The following FHIT variants were observed in gnomAD, a reference collection of about 807,000 sequenced individuals.
FHIT encodes the protein fragile histidine triad diadenosine triphosphatase.
Under a neutral mutation model 17.9 loss-of-function variants are expected in FHIT, and 19 were observed. The ratio of observed to expected loss-of-function variants is 1.06; its 90% CI spans 0.74 to 1.56. The LOEUF (loss-of-function observed/expected upper bound fraction) is 1.56. Among genes scored for constraint, FHIT ranks in the 40% most tolerant of loss-of-function variants. FHIT has a pLI of 0.00. For synonymous variants in FHIT, 81 were observed against 69.7 expected (o/e 1.16, Z -0.81); for missense variants, 248 against 189.2 (o/e 1.31, Z -1.82).
chr3:60,444,720 G>A (rs867687619), intron 5 of FHIT, among the ~76,000 whole-genome samples: 4 of 151,984 alleles, frequency 2.6e-5, no homozygotes, highest in African/African-American at 7.3e-5. Flanking sequence ...GGGAGAGATA[G>A]CATTAGGAGA....
At chr3:60,875,417 T>G (rs1221780503) in intron 3 of FHIT, among the ~76,000 whole-genome samples, 3 of 152,286 alleles carry the variant, frequency 2.0e-5, no homozygotes, top group East Asian at 1.9e-4. Context: ...GCCAAGTTAG[T>G]TCTGTCAAAC....
intron 5 of FHIT, among the ~76,000 whole-genome samples, chr3:60,459,532 C>T (rs746189307): frequency 1.3e-5 from 2 of 152,158 alleles, no homozygotes; most frequent in Non-Finnish European, 1.5e-5. Flanking sequence ...TACATAGGTA[C>T]AACGCGCTTA....
chr3:61,036,456 G>T (rs529396157), intron 3 of FHIT, among the ~76,000 whole-genome samples: 1 of 152,068 alleles, frequency 6.6e-6, no homozygotes, highest in African/African-American at 2.4e-5. Context: ...ACTATCCAAG[G>T]GCACTTCAAA....
chr3:60,716,809 C>T (rs890762162), intron 4 of FHIT, among the ~76,000 whole-genome samples: 7 of 152,140 alleles, frequency 4.6e-5, no homozygotes, highest in African/African-American at 9.7e-5. Context: ...TAATTCGTGA[C>T]GCTATGATAT....
intron 2 of FHIT, among the ~76,000 whole-genome samples, chr3:61,092,752 G>T (rs2035525018): frequency 6.6e-6 from 1 of 152,114 alleles, no homozygotes; most frequent in Non-Finnish European, 1.5e-5. Context: ...TCATAAATTA[G>T]GGTCAAAGGC....
At chr3:59,909,274 C>T (rs952780949) in intron 8 of FHIT, among the ~76,000 whole-genome samples, 6 of 151,562 alleles carry the variant, frequency 4.0e-5, no homozygotes, top group Non-Finnish European at 7.4e-5. Flanking sequence ...TCTCATGATC[C>T]GCCTGCCTTG....
chr3:60,714,558 C>G (rs2041629916), intron 4 of FHIT, among the ~76,000 whole-genome samples: 1 of 152,178 alleles, frequency 6.6e-6, no homozygotes, highest in African/African-American at 2.4e-5. Context: ...CCAAAATCTC[C>G]TTAAGCTGAT....
intron 7 of FHIT, among the ~76,000 whole-genome samples, chr3:59,952,495 C>G (rs1266816273): frequency 6.6e-6 from 1 of 152,198 alleles, no homozygotes; most frequent in Non-Finnish European, 1.5e-5. Context: ...ACTCTCACCT[C>G]CCCTGACCAA....
At chr3:60,782,231 G>GTATATATATATATATATATA (rs1349004246) in intron 4 of FHIT, among the ~76,000 whole-genome samples, 1 of 89,962 alleles carries the variant, frequency 1.1e-5, no homozygotes, top group Non-Finnish European at 2.2e-5. Context: ...GTGTGTGTGT[G>GTATATATATATATATATATA]TGTGTGTATA....
intron 5 of FHIT, among the ~76,000 whole-genome samples, chr3:60,232,495 T>A (rs559950809): frequency 6.6e-6 from 1 of 152,332 alleles, no homozygotes; most frequent in Non-Finnish European, 1.5e-5. Context: ...AGGCTGATTT[T>A]AAGGATTTTC....
At chr3:61,106,847 G>T (rs1337486402) in intron 2 of FHIT, among the ~76,000 whole-genome samples, 1 of 152,134 alleles carries the variant, frequency 6.6e-6, no homozygotes, top group Non-Finnish European at 1.5e-5. Flanking sequence ...TTTTAGTAGA[G>T]ATAGGGTTTC....
intron 7 of FHIT, among the ~76,000 whole-genome samples, chr3:59,938,910 T>C (rs1359368058): frequency 6.6e-6 from 1 of 152,072 alleles, no homozygotes; most frequent in Non-Finnish European, 1.5e-5. Flanking sequence ...CTAAATCATA[T>C]CTCGGTTTGG....
intron 5 of FHIT, among the ~76,000 whole-genome samples, chr3:60,258,626 C>A (rs1162561712): frequency 6.6e-6 from 1 of 151,952 alleles, no homozygotes; most frequent in Admixed American, 6.6e-5. Context: ...GGCTGAGGCA[C>A]CTATAACAAA....
intron 4 of FHIT, among the ~76,000 whole-genome samples, chr3:60,675,742 C>T (rs1470879772): frequency 6.6e-6 from 1 of 152,182 alleles, no homozygotes; most frequent in Non-Finnish European, 1.5e-5. Flanking sequence ...CTTGCAAATG[C>T]ATCTGATTTG....
At chr3:60,910,981 C>A (rs72889161) in intron 3 of FHIT, among the ~76,000 whole-genome samples, 4,517 of 152,148 alleles carry the variant, frequency 0.03, 219 homozygotes, top group African/African-American at 0.1. Flanking sequence ...GGGAAGAAAC[C>A]GGAGATTTTA....
intron 5 of FHIT, among the ~76,000 whole-genome samples, chr3:60,472,157 TAA>T (rs143951495): frequency 0.31 from 45,801 of 146,708 alleles, 7,555 homozygotes; most frequent in East Asian, 0.55. Flanking sequence ...ACTTTTTTGT[TAA>T]AAAAAAAAAA....
At chr3:59,984,521 A>G (rs986213732) in intron 7 of FHIT, among the ~76,000 whole-genome samples, 2 of 152,030 alleles carry the variant, frequency 1.3e-5, no homozygotes, top group African/African-American at 4.8e-5. Flanking sequence ...CCTAAAGTCA[A>G]TAATTCCTGA....
intron 5 of FHIT, among the ~76,000 whole-genome samples, chr3:60,119,371 C>T (rs1020145298): frequency 1.2e-4 from 17 of 141,994 alleles, no homozygotes; most frequent in African/African-American, 4.0e-4. Context: ...TCATGCCCAG[C>T]CTATATTTCT....
chr3:60,318,879 G>A (rs1709288403), intron 5 of FHIT, among the ~76,000 whole-genome samples: 1 of 152,170 alleles, frequency 6.6e-6, no homozygotes. Context: ...AGATTCGGAA[G>A]GAAGAATGGA....
Sources: allele counts gnomAD v4.1 joint callset (sites outside exome capture counted in the v4.1 genomes callset), GRCh38; gene constraint gnomAD v4.1.1; transcripts MANE v1.5; gene names NCBI Gene and HGNC (gene_info 2026-07-23, HGNC 2026-07-21).